Variants in ISM1 observed in about 807,000 individuals in gnomAD.
ISM1 encodes isthmin 1, also known as isthmin-1.
A neutral mutation model predicts 46.3 loss-of-function variants in ISM1; 25 were observed. That is an observed-to-expected ratio of 0.54 (90% CI 0.39 to 0.75). The LOEUF is 0.75. Ranked by LOEUF, ISM1 falls within the 30% of genes least tolerant of loss-of-function variation. The pLI is 0.00. For synonymous variants in ISM1, 255 were observed against 256.7 expected (o/e 0.99, Z 0.06); for missense variants, 536 against 625.4 (o/e 0.86, Z 1.52).
chr20:13,306,510 T>TTGTTTGTC, the ISM1 span, among the ~76,000 whole-genome samples: 1 of 149,586 alleles, frequency 6.7e-6, no homozygotes, highest in African/African-American at 2.5e-5. Flanking sequence ...TTTTGTTTGT[T>TTGTTTGTC]TGTTTGTCTG....
chr20:13,321,221 C>A, the ISM1 span, among the ~76,000 whole-genome samples: 1 of 114,942 alleles, frequency 8.7e-6, no homozygotes, highest in Non-Finnish European at 1.7e-5. Flanking sequence ...AAAAAGAGAT[C>A]GTCTTTATCT....
chr20:13,320,964 C>T, the ISM1 span, among the ~76,000 whole-genome samples: 1 of 151,862 alleles, frequency 6.6e-6, no homozygotes, highest in Non-Finnish European at 1.5e-5. Context: ...TTTGGGAGGC[C>T]GAGGCTGGTG....
chr20:13,313,436 A>T, the ISM1 span, among the ~76,000 whole-genome samples: 1 of 152,188 alleles, frequency 6.6e-6, no homozygotes, highest in African/African-American at 2.4e-5. Context: ...CTGTTCAAAT[A>T]AGGTAAACAC....
At chr20:13,314,462 G>A in the ISM1 span, among the ~76,000 whole-genome samples, 1 of 151,976 alleles carries the variant, frequency 6.6e-6, no homozygotes, top group African/African-American at 2.4e-5. Flanking sequence ...CAATAAAAGA[G>A]TGGAGTGAAA....
At chr20:13,244,507 C>T (rs1376673850) in intron 1 of ISM1, 1 of 152,114 alleles carries the variant, frequency 6.6e-6, no homozygotes, top group East Asian at 1.9e-4. Flanking sequence ...TGTTTTCACA[C>T]AGCAAGATGA....
In ISM1 at chr20:13,221,741, G is replaced by T; in HGVS notation, c.-36G>T. ...GGCGTCACCGCCGCCGCCGCCGGCC[G>T]CCGCGCCGGGTCCTAAAGCCGCGCG... On this transcript the variant is annotated 5_prime_UTR_variant, in exon 1 of 6. Coordinates refer to ENST00000262487, the MANE Select transcript of ISM1 (RefSeq NM_080826.2). 7.4e-7 allele frequency: 1 copy of T among 1,356,360 alleles called. No individual in the cohort carries two copies. Among genetic ancestry groups the T allele is most frequent in the South Asian group, 1.8e-5 (1 of 55,732 alleles). The allele number at this position is 1,356,360 out of a possible 1,614,324, so 84.0% of individuals were successfully genotyped here. A position where few individuals can be genotyped will look rare whatever the true frequency, so the allele number is the denominator to read the frequency against.
At chr20:13,298,253 A>C (rs1020286973) in intron 5 of ISM1, among the ~76,000 whole-genome samples, 3 of 152,086 alleles carry the variant, frequency 2.0e-5, no homozygotes, top group Non-Finnish European at 4.4e-5. Context: ...TTACAGGCGC[A>C]TGCCACAACA....
the ISM1 span, among the ~76,000 whole-genome samples, chr20:13,316,416 G>C: frequency 6.6e-6 from 1 of 151,904 alleles, no homozygotes; most frequent in African/African-American, 2.4e-5. Context: ...AATAGAAGTA[G>C]AGGGAATTAT....
downstream of ISM1, among the ~76,000 whole-genome samples, chr20:13,304,882 A>C (rs986031889): frequency 6.6e-6 from 1 of 151,886 alleles, no homozygotes; most frequent in African/African-American, 2.4e-5. Flanking sequence ...TCTCTTCCCC[A>C]CTTCCCTACT....
intron 2 of ISM1, 130 bp downstream of exon 2, chr20:13,270,873 AT>A: frequency 1.2e-6 from 1 of 823,610 alleles, no homozygotes; most frequent in Non-Finnish European, 1.9e-6. Context: ...GCTTAAGATC[AT>A]GTTATCTCCA....
chr20:13,252,937 C>A (rs183200254), intron 1 of ISM1, among the ~76,000 whole-genome samples: 2 of 152,176 alleles, frequency 1.3e-5, no homozygotes, highest in Admixed American at 1.3e-4. Context: ...CCAGCCCCCC[C>A]TCTCAGATCT....
rs2040445090 is a variant in ISM1, at chr20:13,299,985, T to C, written c.*526T>C. On this transcript the variant is annotated 3_prime_UTR_variant, in exon 6 of 6. Coordinates refer to ENST00000262487, the MANE Select transcript of ISM1 (RefSeq NM_080826.2). The surrounding 1 kb of genome is among the most constrained non-coding windows in gnomAD (Gnocchi z 5.8). ...GAAAGGGAATTTTGGAATTTATTTC[T>C]TTAAAAATAATGCAATGGAAATATA... 1.3e-5 allele frequency: 2 copies of C among 152,592 alleles called. No individual in the cohort carries two copies. Among genetic ancestry groups the C allele is most frequent in the South Asian group, 4.1e-4 (2 of 4,842 alleles). 9.5% of individuals were successfully genotyped at this position (152,592 alleles called of 1,614,324 possible).
intron 1 of ISM1, among the ~76,000 whole-genome samples, chr20:13,255,277 A>G (rs1325199714): frequency 1.3e-5 from 2 of 152,176 alleles, no homozygotes; most frequent in Admixed American, 1.3e-4. Context: ...GAAAAAATGG[A>G]TAAAATGCTC....
intron 1 of ISM1, among the ~76,000 whole-genome samples, chr20:13,225,089 A>C (rs6109762): frequency 6.7e-6 from 1 of 150,194 alleles, no homozygotes; most frequent in Admixed American, 6.6e-5. Flanking sequence ...TCCTGACCTC[A>C]TGATCCGCCC....
chr20:13,222,510 G>A (rs552778745), intron 1 of ISM1, among the ~76,000 whole-genome samples: 70 of 152,070 alleles, frequency 4.6e-4, no homozygotes, highest in African/African-American at 1.6e-3. Flanking sequence ...CTCCCCCCTT[G>A]TGCCCCCTTG....
intron 1 of ISM1, among the ~76,000 whole-genome samples, chr20:13,255,362 G>GAGTTTACAGTTTAC (rs1449498960): frequency 6.6e-6 from 1 of 152,188 alleles, no homozygotes; most frequent in Non-Finnish European, 1.5e-5. Context: ...TTGTACAGTT[G>GAGTTTACAGTTTAC]AGTTTACAGT....
the ISM1 span, among the ~76,000 whole-genome samples, chr20:13,316,042 T>C: frequency 6.6e-6 from 1 of 151,992 alleles, no homozygotes; most frequent in Non-Finnish European, 1.5e-5. Context: ...TCAATAAGCT[T>C]CTGCGCTGGC....
chr20:13,290,115 TG>T (rs1289792627), intron 4 of ISM1, among the ~76,000 whole-genome samples: 2 of 152,178 alleles, frequency 1.3e-5, no homozygotes, highest in African/African-American at 4.8e-5. Flanking sequence ...TCTGGCTCCA[TG>T]TCAGCCATGC....
the ISM1 span, among the ~76,000 whole-genome samples, chr20:13,306,882 A>G: frequency 6.6e-6 from 1 of 152,200 alleles, no homozygotes; most frequent in East Asian, 1.9e-4. Context: ...TACAGAGGAC[A>G]GAATCTCCTG....
Sources: gnomAD v4.1 joint callset for allele counts (sites outside exome capture counted in the v4.1 genomes callset) on GRCh38, gnomAD v4.1.1 for gene constraint, Gnocchi (gnomAD v3.1) non-coding constraint, MANE v1.5 for transcripts, NCBI Gene and HGNC (gene_info 2026-07-23, HGNC 2026-07-21) for gene names.